ZNF493: variants seen among roughly 807,000 people sequenced by gnomAD.
The protein encoded by ZNF493 is zinc finger protein 493.
A neutral mutation model predicts 12.2 loss-of-function variants in ZNF493; 11 were observed. The ratio of observed to expected loss-of-function variants is 0.90; its 90% CI spans 0.57 to 1.50. The LOEUF is 1.50. ZNF493 is among the 40% of genes most tolerant of loss of function. The pLI, the probability that ZNF493 is intolerant of heterozygous loss-of-function variation, is 0.00. For synonymous variants in ZNF493, 286 were observed against 302.6 expected (o/e 0.95, Z 0.57); for missense variants, 950 against 906.6 (o/e 1.05, Z -0.61).
Position 21,425,468 on chromosome 19 carries a change from C to A in ZNF493, c.*484C>A, listed in dbSNP as rs77647344. 2 of 450,892 alleles carry A rather than the reference C, an allele frequency of 4.4e-6. No individual in the cohort carries two copies. Among genetic ancestry groups the A allele is most frequent in the Non-Finnish European group, 8.7e-6 (2 of 230,340 alleles). 27.9% of individuals were successfully genotyped at this position (450,892 alleles called of 1,614,324 possible). On this transcript the variant is annotated 3_prime_UTR_variant, in exon 4 of 4. Coordinates refer to ENST00000392288, the MANE Select transcript of ZNF493 (RefSeq NM_001076678.3). ...GTGAAGAATGTGGCAAAGCTTTTAACAAATCCTCATCCATTAGTAAACATA... is the reference window on the plus strand; with the variant it reads ...GTGAAGAATGTGGCAAAGCTTTTAAAAAATCCTCATCCATTAGTAAACATA...
At chr19:21,403,995 C>T (rs7249412) in intron 1 of ZNF493, among the ~76,000 whole-genome samples, 84,171 of 151,966 alleles carry the variant, frequency 0.55, 23,542 homozygotes, top group Middle Eastern at 0.67. Flanking sequence ...TTCCCATTGG[C>T]GGAAAGCTGG....
intron 3 of ZNF493, among the ~76,000 whole-genome samples, chr19:21,415,495 T>C (rs2030459940): frequency 6.6e-6 from 1 of 151,828 alleles, no homozygotes; most frequent in African/African-American, 2.4e-5. Context: ...CAAGTAGGAG[T>C]AGGGAGTAGT....
rs1311726019 is a variant in ZNF493 at position 21,425,098 on chromosome 19, C to A, written c.*114C>A. ...AAGATAATTAATGCTGGAGAGAAAC[C>A]CTACAAATGTGAAGAATGTGGCAAA... On this transcript the variant is annotated 3_prime_UTR_variant, in exon 4 of 4. Coordinates refer to ENST00000392288, the MANE Select transcript of ZNF493 (RefSeq NM_001076678.3). 8.0e-7 allele frequency: 1 copy of A among 1,250,500 alleles called. No individual in the cohort carries two copies. Among genetic ancestry groups the A allele is most frequent in the Non-Finnish European group, 1.2e-6 (1 of 860,698 alleles). The allele number at this position is 1,250,500 out of a possible 1,614,324, so 77.5% of individuals were successfully genotyped here.
intron 3 of ZNF493, chr19:21,412,597 A>C (rs997382550): frequency 6.4e-6 from 1 of 156,302 alleles, no homozygotes; most frequent in East Asian, 1.9e-4. Flanking sequence ...TTCTCGCAGG[A>C]GTCAGGATCC....
intron 1 of ZNF493, among the ~76,000 whole-genome samples, chr19:21,403,106 T>G (rs968855485): frequency 7.9e-5 from 12 of 152,242 alleles, no homozygotes; most frequent in African/African-American, 2.9e-4. Flanking sequence ...AGGGACAGAA[T>G]TGTGTCGGGA....
At chr19:21,413,723 A>C in intron 3 of ZNF493, 1 of 354,544 alleles carries the variant, frequency 2.8e-6, no homozygotes, top group Non-Finnish European at 5.0e-6. Context: ...ACCCCAAGTT[A>C]TTTTACCCAT....
intron 3 of ZNF493, among the ~76,000 whole-genome samples, chr19:21,421,150 AGTTT>A (rs1047148999): frequency 1.6e-4 from 24 of 151,732 alleles, no homozygotes; most frequent in African/African-American, 1.2e-4. Flanking sequence ...CTTGTATCCT[AGTTT>A]GTTTGTTGAG....
chr19:21,410,917 C>T (rs1381293057), intron 3 of ZNF493, among the ~76,000 whole-genome samples: 2 of 152,070 alleles, frequency 1.3e-5, no homozygotes, highest in Non-Finnish European at 2.9e-5. Context: ...CTCAGCCTCC[C>T]AAGTAGCTGG....
intron 3 of ZNF493, among the ~76,000 whole-genome samples, chr19:21,419,932 A>G (rs1200310069): frequency 6.6e-6 from 1 of 152,132 alleles, no homozygotes; most frequent in Non-Finnish European, 1.5e-5. Context: ...CAACCCCCAC[A>G]TGATTCTGAC....
In ZNF493 at chr19:21,423,893, A is replaced by C. The variant is rs2030764441; in HGVS notation, c.1234A>C (p.Lys412Gln). ...EKSHRCEECG[K>Q]AYKESSHLTT... The stretch of plus-strand genomic sequence containing the variant: ...ATCCCACAGATGTGAAGAATGTGGC[A>C]AAGCTTATAAGGAGTCTTCACACCT... The change falls in exon 4 of 4, where the codon AAA (lysine) becomes CAA (glutamine). Residue 412 changes from lysine (K) to glutamine (Q), a missense_variant. Transcript: ENST00000392288. 1.2e-6 allele frequency: 2 copies of C among 1,613,214 alleles called. No homozygotes were observed. Among genetic ancestry groups the C allele is most frequent in the Non-Finnish European group, 1.7e-6 (2 of 1,179,488 alleles).
At chr19:21,416,488 A>G (rs1022464534) in intron 3 of ZNF493, among the ~76,000 whole-genome samples, 13 of 152,186 alleles carry the variant, frequency 8.5e-5, no homozygotes, top group Non-Finnish European at 1.8e-4. Flanking sequence ...AACTCCAACT[A>G]TATTAAATTG....
chr19:21,414,564 C>T (rs1462063958), intron 3 of ZNF493: 1 of 152,146 alleles, frequency 6.6e-6, no homozygotes, highest in Non-Finnish European at 1.5e-5. Flanking sequence ...CTGCTATTTG[C>T]AATTGGGTAA....
intron 1 of ZNF493, chr19:21,398,614 G>T: frequency 2.2e-6 from 1 of 455,508 alleles, no homozygotes; most frequent in South Asian, 1.6e-5. Flanking sequence ...CCCATAAGAT[G>T]ACCTGAGGTA....
At chr19:21,416,060 TTTCTC>T (rs756121236) in intron 3 of ZNF493, among the ~76,000 whole-genome samples, 8 of 152,362 alleles carry the variant, frequency 5.3e-5, no homozygotes, top group Middle Eastern at 3.4e-3. Context: ...CAGTAACTAA[TTTCTC>T]TAAAGCCTCC....
At position 21,423,435 on chromosome 19, in the gene ZNF493, A is replaced by G. The variant is rs1218357244; in HGVS notation, c.776A>G (p.His259Arg). 1.1e-5 allele frequency: 18 copies of G among 1,613,636 alleles called. No homozygotes were observed. The highest frequency in any genetic ancestry group is 1.5e-5 in the Non-Finnish European group (18 of 1,179,860). Reference protein sequence around the residue: ...DSNLTTHKRIHTGQKPYKCEE... With the variant: ...DSNLTTHKRIRTGQKPYKCEE... ...AACCTTACTACACATAAGAGAATTC[A>G]TACTGGACAGAAACCCTACAAATGT... Residue 259 changes from histidine to arginine, a missense_variant, in exon 4 of 4, where the codon CAT becomes CGT. Transcript: ENST00000392288.
At chr19:21,405,688 T>C in intron 2 of ZNF493, 73 bp from the exon 3 acceptor site, 1 of 1,278,344 alleles carries the variant, frequency 7.8e-7, no homozygotes, top group Non-Finnish European at 1.1e-6. Context: ...ACATCCTCTT[T>C]ACTAAGCATG....
intron 3 of ZNF493, among the ~76,000 whole-genome samples, chr19:21,417,106 G>A (rs1355325212): frequency 6.6e-6 from 1 of 152,130 alleles, no homozygotes; most frequent in African/African-American, 2.4e-5. Context: ...CCCAAAATCA[G>A]GTTCCCATCT....
At chr19:21,419,871 A>T (rs1212120322) in intron 3 of ZNF493, among the ~76,000 whole-genome samples, 1 of 152,156 alleles carries the variant, frequency 6.6e-6, no homozygotes, top group Non-Finnish European at 1.5e-5. Context: ...GTGAGAGGGA[A>T]GAGAGAGTAA....
In ZNF493 at chr19:21,424,186, A is replaced by T; in HGVS notation, c.1527A>T (p.Ile509=). The change falls in exon 4 of 4, where the codon ATA becomes ATT. Residue 509 remains isoleucine, a synonymous_variant. Coordinates refer to ENST00000392288, the MANE Select transcript of ZNF493 (RefSeq NM_001076678.3). ...CTTCAACCCTTAGTATACATAAAAT[A>T]ATTCATACTGGAGAAAAACCCTACA... The part of the protein sequence containing the change: ...NQSSTLSIHK[I]IHTGEKPYKC... 2 of 1,613,528 alleles carry T rather than the reference A, an allele frequency of 1.2e-6. No individual in the cohort carries two copies. Among genetic ancestry groups the T allele is most frequent in the Non-Finnish European group, 1.7e-6 (2 of 1,179,778 alleles).
Sources: allele counts gnomAD v4.1 joint callset (sites outside exome capture counted in the v4.1 genomes callset), GRCh38; gene constraint gnomAD v4.1.1; transcripts MANE v1.5; gene names NCBI Gene and HGNC (gene_info 2026-07-23, HGNC 2026-07-21).